Variants in WWOX observed in about 807,000 individuals in gnomAD.
The protein encoded by WWOX is WW domain containing oxidoreductase.
In WWOX, 69 loss-of-function variants were observed where a neutral mutation model predicts 46.2. The ratio of observed to expected loss-of-function variants is 1.49; its 90% CI spans 1.23 to 1.82. The LOEUF (loss-of-function observed/expected upper bound fraction) is 1.82. Among genes scored for constraint, WWOX ranks in the 40% most tolerant of loss-of-function variants. The pLI, the probability that WWOX is intolerant of heterozygous loss-of-function variation, is 0.00. For missense variants in WWOX, 919 were observed against 542.6 expected, an observed-to-expected ratio of 1.69 and a Z score of -6.89; for synonymous variants, 359 against 202.6, an observed-to-expected ratio of 1.77 and a Z score of -6.56.
intron 5 of WWOX, among the ~76,000 whole-genome samples, chr16:78,194,729 C>T (rs560740224): frequency 1.0e-3 from 158 of 152,172 alleles, no homozygotes; most frequent in Non-Finnish European, 1.4e-3. Flanking sequence ...CAACCCCAAA[C>T]CCCTACCCTT....
chr16:79,091,433 C>T (rs1413355323), intron 8 of WWOX, among the ~76,000 whole-genome samples: 4 of 152,118 alleles, frequency 2.6e-5, no homozygotes, highest in Non-Finnish European at 5.9e-5. Context: ...ATACCAGCTT[C>T]CCCACTGGGT....
intron 8 of WWOX, among the ~76,000 whole-genome samples, chr16:78,815,788 A>T (rs926055067): frequency 3.3e-5 from 5 of 152,216 alleles, no homozygotes; most frequent in African/African-American, 1.2e-4. Flanking sequence ...CCTCTCTGCC[A>T]GTGTTTCAGT....
chr16:78,810,861 C>G (rs150249606), intron 8 of WWOX, among the ~76,000 whole-genome samples: 26 of 152,272 alleles, frequency 1.7e-4, no homozygotes, highest in Admixed American at 1.4e-3. Context: ...GACAAGTGCT[C>G]AGTCATTTTG....
intron 5 of WWOX, among the ~76,000 whole-genome samples, chr16:78,370,956 T>G (rs1359080711): frequency 6.6e-6 from 1 of 150,956 alleles, no homozygotes; most frequent in East Asian, 1.9e-4. Flanking sequence ...GAGGTCAGGT[T>G]GCTCTGAGAC....
chr16:79,132,810 G>A (rs189696612), intron 8 of WWOX, among the ~76,000 whole-genome samples: 1 of 152,182 alleles, frequency 6.6e-6, no homozygotes, highest in Non-Finnish European at 1.5e-5. Context: ...TTTCAAAAGA[G>A]AGTGTCCCAA....
At chr16:78,315,403 C>G (rs966083467) in intron 5 of WWOX, among the ~76,000 whole-genome samples, 1 of 152,162 alleles carries the variant, frequency 6.6e-6, no homozygotes, top group African/African-American at 2.4e-5. Flanking sequence ...AATCCCAGCA[C>G]TTGGGGAGGC....
intron 8 of WWOX, among the ~76,000 whole-genome samples, chr16:78,571,402 GACAC>G (rs1392677517): frequency 6.6e-6 from 1 of 152,158 alleles, no homozygotes; most frequent in Non-Finnish European, 1.5e-5. Flanking sequence ...CAGCTTAACA[GACAC>G]ACATTCATTT....
At chr16:79,020,887 T>A (rs975596738) in intron 8 of WWOX, among the ~76,000 whole-genome samples, 1 of 152,154 alleles carries the variant, frequency 6.6e-6, no homozygotes, top group African/African-American at 2.4e-5. Flanking sequence ...GCCTGCTGTT[T>A]ATAGATTTTT....
At chr16:78,538,312 G>A (rs1477684506) in intron 8 of WWOX, among the ~76,000 whole-genome samples, 2 of 150,838 alleles carry the variant, frequency 1.3e-5, no homozygotes, top group East Asian at 3.9e-4. Flanking sequence ...GCACCTGGAA[G>A]CTCAGATAGC....
chr16:78,786,316 T>G (rs1187394187), intron 8 of WWOX, among the ~76,000 whole-genome samples: 1 of 152,190 alleles, frequency 6.6e-6, no homozygotes, highest in Non-Finnish European at 1.5e-5. Flanking sequence ...TAAATAGTGG[T>G]ACCCTGAGCA....
intron 8 of WWOX, among the ~76,000 whole-genome samples, chr16:78,802,888 C>G (rs1040749398): frequency 1.6e-5 from 2 of 126,816 alleles, no homozygotes; most frequent in Non-Finnish European, 3.2e-5. Flanking sequence ...TGCACTCCAG[C>G]CTGGGTCACA....
intron 5 of WWOX, chr16:78,269,026 G>A (rs994069531): frequency 3.3e-5 from 5 of 151,990 alleles, no homozygotes; most frequent in African/African-American, 9.7e-5. Flanking sequence ...GAAATAAGTG[G>A]ACACATACTC....
At chr16:78,877,636 A>G (rs1296785082) in intron 8 of WWOX, among the ~76,000 whole-genome samples, 3 of 152,176 alleles carry the variant, frequency 2.0e-5, no homozygotes, top group Admixed American at 1.3e-4. Flanking sequence ...AGACATAGAC[A>G]TACATGAGTT....
intron 8 of WWOX, among the ~76,000 whole-genome samples, chr16:78,483,188 G>C (rs374097701): frequency 8.5e-5 from 13 of 152,164 alleles, no homozygotes; most frequent in African/African-American, 2.6e-4. Flanking sequence ...AAATGTAAAA[G>C]ATACTTTTAC....
At chr16:78,416,042 T>C (rs142847273) in intron 6 of WWOX, among the ~76,000 whole-genome samples, 1 of 152,242 alleles carries the variant, frequency 6.6e-6, no homozygotes, top group Non-Finnish European at 1.5e-5. Context: ...AATCTCAGGC[T>C]CTAAACAAGG....
At chr16:78,513,489 G>T (rs2085413224) in intron 8 of WWOX, among the ~76,000 whole-genome samples, 2 of 152,162 alleles carry the variant, frequency 1.3e-5, no homozygotes, top group South Asian at 4.1e-4. Flanking sequence ...AGCTTTTCAT[G>T]TATCTTACTG....
At chr16:78,198,504 T>G (rs1726640486) in intron 5 of WWOX, among the ~76,000 whole-genome samples, 1 of 152,222 alleles carries the variant, frequency 6.6e-6, no homozygotes, top group Admixed American at 6.5e-5. Flanking sequence ...GAATGGGCTC[T>G]ATGCCAGTGT....
At chr16:78,931,567 T>C (rs74032439) in intron 8 of WWOX, among the ~76,000 whole-genome samples, 3,322 of 152,356 alleles carry the variant, frequency 0.022, 114 homozygotes, top group African/African-American at 0.075. Flanking sequence ...GAGTACATGA[T>C]CCTTGACCTT....
At chr16:78,562,658 C>G (rs745635748) in intron 8 of WWOX, among the ~76,000 whole-genome samples, 5 of 152,194 alleles carry the variant, frequency 3.3e-5, no homozygotes, top group Non-Finnish European at 2.9e-5. Context: ...TGCTCACACT[C>G]GGTCAATACT....
Sources: allele counts gnomAD v4.1 joint callset (sites outside exome capture counted in the v4.1 genomes callset), GRCh38; gene constraint gnomAD v4.1.1; transcripts MANE v1.5; gene names NCBI Gene and HGNC (gene_info 2026-07-23, HGNC 2026-07-21).